The following MYT1 variants were observed in gnomAD, a reference collection of about 807,000 sequenced individuals.
MYT1 encodes the protein myelin transcription factor 1.
Under a neutral mutation model 123.0 loss-of-function variants are expected in MYT1, and 23 were observed. That is an observed-to-expected ratio of 0.19 (90% CI 0.13 to 0.26). MYT1 has a LOEUF of 0.26. MYT1 is among the 10% of genes least tolerant of loss of function. MYT1 has a pLI of 1.00. For missense variants in MYT1, 1,125 were observed against 1,472.5 expected, an observed-to-expected ratio of 0.76 and a Z score of 3.86; for synonymous variants, 518 against 575.3, an observed-to-expected ratio of 0.90 and a Z score of 1.43.
chr20:64,212,060 A>G lies in MYT1; in HGVS notation c.1439A>G (p.His480Arg). The G allele has an allele frequency of 1.9e-6, 3 of 1,613,754 alleles. No homozygotes were observed. Among genetic ancestry groups the G allele is most frequent in the Non-Finnish European group, 2.5e-6 (3 of 1,179,836 alleles). The change falls in exon 9 of 23, where the codon CAT (histidine) becomes CGT (arginine). Residue 480 changes from histidine (H) to arginine (R), a missense_variant. Physicochemically the swap from His to Arg is conservative, Grantham distance 29. Coordinates refer to ENST00000328439, the MANE Select transcript of MYT1 (RefSeq NM_004535.3). The surrounding 1 kb of genome is among the most constrained non-coding windows in gnomAD (Gnocchi z 6.8). ...TGTTCTCTTACAGTCTTAGCCATGCATGAGAACGTGCTGAAGTGCCCCACT... is the reference window on the plus strand; with the variant it reads ...TGTTCTCTTACAGTCTTAGCCATGCGTGAGAACGTGCTGAAGTGCCCCACT... ...DRIPPEILAM[H>R]ENVLKCPTPG...
chr20:64,222,123 C>G (rs2145725573), intron 14 of MYT1, 76 bp downstream of exon 14: 2 of 1,537,298 alleles, frequency 1.3e-6, no homozygotes, highest in African/African-American at 2.7e-5. Flanking sequence ...TGGTCCCAAC[C>G]CATGACGACC....
chr20:64,239,814 G>C lies in MYT1; in HGVS notation c.3148G>C (p.Glu1050Gln). Residue 1050 changes from glutamate to glutamine, a missense_variant, in exon 22 of 23, where the codon GAG (glutamate) becomes CAG (glutamine). Glu to Gln is a conservative substitution (Grantham distance 29). Around this residue, in one of 4 missense-constraint regions of MYT1, gnomAD observed 243 missense variants for 323.1 expected, o/e 0.75. Coordinates refer to ENST00000328439, the MANE Select transcript of MYT1 (RefSeq NM_004535.3). ...CATCGAGGAGGAGAACAAGCTCATT[G>C]AGGAGCAGAATGAAGCCCTGTTTCT... ...KNIEEENKLI[E>Q]EQNEALFLEL... is the part of the protein sequence containing the mutation. The C allele has an allele frequency of 6.2e-7, 1 of 1,614,018 alleles. No individual in the cohort carries two copies. The highest frequency in any genetic ancestry group is 1.6e-4 in the Middle Eastern group (1 of 6,062).
intron 1 of MYT1, among the ~76,000 whole-genome samples, chr20:64,181,351 A>C (rs1245822845): frequency 6.6e-6 from 1 of 152,082 alleles, no homozygotes; most frequent in Non-Finnish European, 1.5e-5. Flanking sequence ...TGGAACTCCC[A>C]AATCGGGTGT....
At chr20:64,199,777 C>A in intron 3 of MYT1, 115 bp from the exon 4 acceptor site, 1 of 1,233,562 alleles carries the variant, frequency 8.1e-7, no homozygotes, top group Non-Finnish European at 1.2e-6. Flanking sequence ...TGAGATTTGC[C>A]TCCACTCGTC....
intron 18 of MYT1, among the ~76,000 whole-genome samples, chr20:64,230,325 C>T (rs573301602): frequency 6.6e-6 from 1 of 152,174 alleles, no homozygotes; most frequent in African/African-American, 2.4e-5. Flanking sequence ...CCAGCCCGGC[C>T]AACATGGTGA....
At chr20:64,195,368 GT>G in intron 2 of MYT1, among the ~76,000 whole-genome samples, 1 of 101,006 alleles carries the variant, frequency 9.9e-6, no homozygotes, top group African/African-American at 4.0e-5. Context: ...GTGTGTGTGT[GT>G]GTGTGTGTGT....
chr20:64,231,652 A>G lies in MYT1; in HGVS notation c.2676-512A>G, dbSNP rs2145731578. Among the ~76,000 whole-genome samples the G allele has an allele frequency of 6.6e-6, 1 of 152,238 alleles. No individual in the cohort carries two copies. The highest frequency in any genetic ancestry group is 1.9e-4 in the East Asian group (1 of 5,172). On this transcript the variant is annotated intron_variant, in intron 18 of 22. Transcript: ENST00000328439. The surrounding 1 kb of genome is among the most constrained non-coding windows in gnomAD (Gnocchi z 6.4). ...CTGATTGCACTGGCCTCAGTCTGGGAGGCTGTGGGGTGACAGGCCTCTGCT... is the reference window on the plus strand; with the variant it reads ...CTGATTGCACTGGCCTCAGTCTGGGGGGCTGTGGGGTGACAGGCCTCTGCT...
chr20:64,223,493 C>A, intron 16 of MYT1, 134 bp downstream of exon 16: 1 of 996,472 alleles, frequency 1.0e-6, no homozygotes, highest in Non-Finnish European at 1.6e-6. Flanking sequence ...CTGAGATGGG[C>A]AGAGGGGCAG....
In MYT1 at chr20:64,205,726, C is replaced by T. The variant is rs371384703; in HGVS notation, c.323C>T (p.Ser108Leu). Residue 108 changes from serine (S) to leucine (L), a missense_variant, in exon 6 of 23, where the codon TCG becomes TTG. Around this residue, in one of 4 missense-constraint regions of MYT1, gnomAD observed 406 missense variants for 432.2 expected, o/e 0.94. Transcript: ENST00000328439. Reference sequence around the variant, plus strand: ...AAGGACGCCTCTGTTTCGGATGAATCGGAAGGAACTCTGGAGGGGGCCGAG... The same window carrying T: ...AAGGACGCCTCTGTTTCGGATGAATTGGAAGGAACTCTGGAGGGGGCCGAG... ...EVKDASVSDE[S>L]EGTLEGAEAE... 1.6e-5 allele frequency: 26 copies of T among 1,614,020 alleles called. No homozygotes were observed. The highest frequency in any genetic ancestry group is 8.3e-5 in the Admixed American group (5 of 60,010).
rs140949231 is a variant in MYT1, at chr20:64,232,233, C to T, written c.2745C>T (p.Ser915=). ...SGKYASHRSA[S]GCPLAARRQK... is the part of the protein sequence containing the mutation. ...AATACGCCTCTCACAGGAGCGCATCCGGCTGCCCACTGGCCGCCCGCAGGC... is the reference window on the plus strand; with the variant it reads ...AATACGCCTCTCACAGGAGCGCATCTGGCTGCCCACTGGCCGCCCGCAGGC... Residue 915 remains serine (S), a synonymous_variant, in exon 19 of 23, where the codon TCC becomes TCT. Transcript: ENST00000328439. This position sits in a 1 kb window ranked among gnomAD's most constrained non-coding sequence, Gnocchi z 6.9. The T allele has an allele frequency of 6.6e-5, 107 of 1,613,190 alleles. No individual in the cohort carries two copies. The highest frequency in any genetic ancestry group is 1.3e-4 in the African/African-American group (10 of 75,048).
intron 22 of MYT1, 56 bp downstream of exon 22, chr20:64,239,959 A>G: frequency 6.3e-7 from 1 of 1,593,294 alleles, no homozygotes; most frequent in Non-Finnish European, 8.5e-7. Flanking sequence ...TCTCTTCGGA[A>G]AGCAGGAGGG....
rs143964556 is a variant in MYT1, at chr20:64,237,649, T to C, written c.3093+259T>C. 1.5e-3 allele frequency among the ~76,000 whole-genome samples: 225 copies of C among 152,332 alleles called. 1 individual carries two copies. Among genetic ancestry groups the C allele is most frequent in the Middle Eastern group, 6.8e-3 (2 of 294 alleles). On this transcript the variant is annotated intron_variant, in intron 21 of 22. Coordinates refer to ENST00000328439, the MANE Select transcript of MYT1 (RefSeq NM_004535.3). ...AGGGCTGTGGTCTCATTAGTGTTAA[T>C]AACACTATTAATAATACTAGTCCCA...
At chr20:64,223,020 A>C in intron 14 of MYT1, 91 bp from the exon 15 acceptor site, 2 of 1,446,444 alleles carry the variant, frequency 1.4e-6, no homozygotes, top group Non-Finnish European at 1.9e-6. Flanking sequence ...GTGAGCCAGG[A>C]GTGGGCACCA....
At position 64,166,501 on chromosome 20, in the gene MYT1, C is replaced by T. The variant is rs546537805; in HGVS notation, c.-99+1762C>T. Among the ~76,000 whole-genome samples, 87 of 152,186 alleles carry T rather than the reference C, an allele frequency of 5.7e-4. No individual in the cohort carries two copies. The highest frequency in any genetic ancestry group is 1.2e-3 in the Non-Finnish European group (79 of 68,032). ...GCTCTGGAACAGCCTCGGCTCTGAC[C>T]TCCTTGGGCCATGAATCCCTGAAGA... is the stretch of plus-strand genomic sequence containing the variant. On this transcript the variant is annotated intron_variant, in intron 1 of 22. Transcript: ENST00000328439. This position sits in a 1 kb window ranked among gnomAD's most constrained non-coding sequence, Gnocchi z 4.9.
chr20:64,207,990 AGG>A lies in MYT1; in HGVS notation c.795_796del (p.Glu266GlyfsTer9). 6.3e-7 allele frequency: 1 copy of A among 1,596,038 alleles called. No homozygotes were observed. On this transcript the variant is annotated frameshift_variant, in exon 7 of 23. Coordinates refer to ENST00000328439, the MANE Select transcript of MYT1 (RefSeq NM_004535.3). LOFTEE classifies it high-confidence loss of function. ...CACGAAGAGGAGGACGAGGAGGAGG[AGG>A]AGGAGGAAGAGGAGGAGGAGGAGGA...
chr20:64,220,597 A>G (rs2145724682), intron 13 of MYT1, among the ~76,000 whole-genome samples: 1 of 152,366 alleles, frequency 6.6e-6, no homozygotes, highest in East Asian at 1.9e-4. Flanking sequence ...CTTTTTCCCA[A>G]GGAGGTGTGT....
chr20:64,229,498 T>G (rs1370525169), intron 18 of MYT1, among the ~76,000 whole-genome samples: 1 of 152,196 alleles, frequency 6.6e-6, no homozygotes, highest in African/African-American at 2.4e-5. Context: ...TCAGAAACAC[T>G]TCAGCATTTG....
At chr20:64,205,405 T>C in intron 5 of MYT1, 148 bp from the exon 6 acceptor site, 1 of 1,240,102 alleles carries the variant, frequency 8.1e-7, no homozygotes, top group Non-Finnish European at 1.1e-6. Flanking sequence ...GTGCTGCACT[T>C]TGCTTTTTTT....
intron 1 of MYT1, among the ~76,000 whole-genome samples, chr20:64,171,185 C>G (rs1322490252): frequency 6.6e-6 from 1 of 151,936 alleles, no homozygotes; most frequent in Non-Finnish European, 1.5e-5. Context: ...TCCCAAAGTG[C>G]TGGTATTACA....
Sources: gnomAD v4.1 joint callset for allele counts (sites outside exome capture counted in the v4.1 genomes callset) on GRCh38, gnomAD v4.1.1 for gene constraint, gnomAD v4.1.1 regional missense constraint, Gnocchi (gnomAD v3.1) non-coding constraint, MANE v1.5 for transcripts, NCBI Gene and HGNC (gene_info 2026-07-23, HGNC 2026-07-21) for gene names.